SYT1: variants seen among roughly 807,000 people sequenced by gnomAD.
The protein encoded by SYT1 is synaptotagmin-1.
In SYT1, 8 loss-of-function variants were observed where a neutral mutation model predicts 44.8. The observed-to-expected ratio is 0.18, with a 90% CI of 0.10 to 0.32. The LOEUF is 0.32. SYT1 is among the 10% of genes least tolerant of loss of function. The pLI, the probability that SYT1 is intolerant of heterozygous loss-of-function variation, is 1.00. For synonymous variants in SYT1, 154 were observed against 188.8 expected (o/e 0.82, Z 1.51); for missense variants, 286 against 509.3 (o/e 0.56, Z 4.22).
At chr12:79,380,387 G>T (rs117688217) in intron 9 of SYT1, among the ~76,000 whole-genome samples, 228 of 152,272 alleles carry the variant, frequency 1.5e-3, no homozygotes, top group Non-Finnish European at 2.6e-3. Context: ...CTGGGATGAA[G>T]AATTTTTTGT....
chr12:79,378,467 A>AG (rs1884088925), intron 9 of SYT1, among the ~76,000 whole-genome samples: 1 of 152,210 alleles, frequency 6.6e-6, no homozygotes, highest in Non-Finnish European at 1.5e-5. Context: ...AAGCCAGTTT[A>AG]CAGAAATGAA....
Position 79,217,580 on chromosome 12 carries a change from G to A in SYT1, c.61G>A (p.Val21Ile), listed in dbSNP as rs1161190060. The A allele has an allele frequency of 6.2e-7, 1 of 1,612,970 alleles. No homozygotes were observed. The highest frequency in any genetic ancestry group is 1.7e-5 in the Admixed American group (1 of 59,880). ...CCCGCCTGTCACCACTGTCGCGACT[G>A]TTCTGCCAAGCAACGCCACAGAGCC... ...AAPPVTTVAT[V>I]LPSNATEPAS... is the part of the protein sequence containing the mutation. Residue 21 changes from valine to isoleucine, a missense_variant, in exon 4 of 11, where the codon GTT becomes ATT. By Grantham distance (29) the Val-to-Ile change is conservative (BLOSUM62 3). Around this residue, in one of 6 missense-constraint regions of SYT1, gnomAD observed 141 missense variants for 165.7 expected, o/e 0.85. Transcript: ENST00000261205.
intron 9 of SYT1, among the ~76,000 whole-genome samples, chr12:79,425,315 C>T (rs1869385733): frequency 6.6e-6 from 1 of 152,068 alleles, no homozygotes; most frequent in South Asian, 2.1e-4. Flanking sequence ...CATATAACCT[C>T]AAAAGTTTCA....
chr12:79,000,844 A>G (rs973772989), intron 2 of SYT1, among the ~76,000 whole-genome samples: 9 of 152,150 alleles, frequency 5.9e-5, no homozygotes, highest in African/African-American at 2.2e-4. Context: ...ACCTTTTAAC[A>G]TCAATATCTG....
intron 3 of SYT1, among the ~76,000 whole-genome samples, chr12:79,171,692 T>A (rs1871533227): frequency 1.3e-5 from 2 of 151,548 alleles, no homozygotes; most frequent in South Asian, 4.2e-4. Flanking sequence ...AAAAAAAAAA[T>A]GATTAGAACC....
intron 1 of SYT1, among the ~76,000 whole-genome samples, chr12:78,871,246 G>T (rs185934817): frequency 1.3e-5 from 2 of 152,040 alleles, no homozygotes; most frequent in East Asian, 3.9e-4. Flanking sequence ...CATCACACAC[G>T]AGCTTGCTTT....
At chr12:79,085,768 C>A (rs1877339161) in intron 3 of SYT1, among the ~76,000 whole-genome samples, 1 of 152,110 alleles carries the variant, frequency 6.6e-6, no homozygotes, top group Non-Finnish European at 1.5e-5. Context: ...TTGACTCCTA[C>A]AGTCCTTTAT....
intron 3 of SYT1, among the ~76,000 whole-genome samples, chr12:79,136,012 A>T (rs1869166826): frequency 6.6e-6 from 1 of 152,248 alleles, no homozygotes; most frequent in African/African-American, 2.4e-5. Flanking sequence ...TTGAGACAAC[A>T]TTGCCTAAAA....
At position 79,310,216 on chromosome 12, in the gene SYT1, G is replaced by A. The variant is rs555244270; in HGVS notation, c.810+10665G>A. 8.0e-3 allele frequency among the ~76,000 whole-genome samples: 1,213 copies of A among 151,492 alleles called. 16 individuals are homozygous for A. The highest frequency in any genetic ancestry group is 0.028 in the African/African-American group (1,142 of 40,872). On this transcript the variant is annotated intron_variant, in intron 8 of 10. Coordinates refer to ENST00000261205, the MANE Select transcript of SYT1 (RefSeq NM_005639.3). ...GTATAAGGTGTAAGGAAGGGATCCA[G>A]TTTCAGCTTTCTACATATGGCTAGC...
At chr12:79,202,685 T>C (rs1231440688) in intron 3 of SYT1, among the ~76,000 whole-genome samples, 2 of 152,160 alleles carry the variant, frequency 1.3e-5, no homozygotes, top group Non-Finnish European at 2.9e-5. Context: ...TCCTAGTAGA[T>C]CAAGGTGTAC....
intron 9 of SYT1, among the ~76,000 whole-genome samples, chr12:79,382,924 T>C (rs1434646297): frequency 6.6e-6 from 1 of 152,232 alleles, no homozygotes; most frequent in Non-Finnish European, 1.5e-5. Flanking sequence ...AAGTAGTCTG[T>C]GTCGTGTGTG....
chr12:78,920,228 A>G (rs2137158835), intron 1 of SYT1, among the ~76,000 whole-genome samples: 1 of 152,164 alleles, frequency 6.6e-6, no homozygotes, highest in South Asian at 2.1e-4. Flanking sequence ...TGTAGTGATG[A>G]CTTCTTACCA....
chr12:79,117,774 AG>A (rs1879384110), intron 3 of SYT1, among the ~76,000 whole-genome samples: 1 of 144,720 alleles, frequency 6.9e-6, no homozygotes, highest in Non-Finnish European at 1.5e-5. Context: ...TGTAAGAGCT[AG>A]GTCATATTAT....
intron 2 of SYT1, among the ~76,000 whole-genome samples, chr12:78,984,558 A>T (rs1195540785): frequency 1.3e-5 from 2 of 151,984 alleles, no homozygotes; most frequent in Non-Finnish European, 2.9e-5. Flanking sequence ...ACAAAAACCT[A>T]ATGTGTCTAT....
rs1872623965 is a variant in SYT1, at chr12:79,027,849, C to CCAGT, written c.-83-19447_-83-19444dup. The stretch of plus-strand genomic sequence containing the variant: ...TGAGTTTGCTTTAAACAGATAGAGA[C>CCAGT]CAGTATAGCCATAGACTTCACATCA... On this transcript the variant is annotated intron_variant, in intron 2 of 10. Coordinates refer to ENST00000261205, the MANE Select transcript of SYT1 (RefSeq NM_005639.3). Among the ~76,000 whole-genome samples the CCAGT allele has an allele frequency of 2.0e-5, 3 of 151,472 alleles. 1 individual carries two copies. The highest frequency in any genetic ancestry group is 2.0e-4 in the Admixed American group (3 of 15,148).
chr12:79,214,119 A>G (rs533172370), intron 3 of SYT1, among the ~76,000 whole-genome samples: 66 of 152,322 alleles, frequency 4.3e-4, no homozygotes, highest in African/African-American at 1.5e-3. Context: ...AATAAAAATA[A>G]AACACTAGGC....
rs566477966 is a variant in SYT1 at position 79,363,575 on chromosome 12, A to T, written c.928+9956A>T. Among the ~76,000 whole-genome samples, 4 of 151,236 alleles carry T rather than the reference A, an allele frequency of 2.6e-5. No individual in the cohort carries two copies. The East Asian group carries it at 7.8e-4, about 30-fold the overall frequency. ...CCCCCATCTCTACAAAAAAAATTAA[A>T]AAAAAAAAAAATAGCCAGGAATGGT... On this transcript the variant is annotated intron_variant, in intron 9 of 10. Transcript: ENST00000261205.
At chr12:79,058,370 A>G (rs1340436498) in intron 3 of SYT1, among the ~76,000 whole-genome samples, 1 of 152,094 alleles carries the variant, frequency 6.6e-6, no homozygotes, top group African/African-American at 2.4e-5. Flanking sequence ...CCTGATACTC[A>G]GTTGACCCTG....
chr12:79,156,775 T>C (rs1181309049), intron 3 of SYT1, among the ~76,000 whole-genome samples: 2 of 152,160 alleles, frequency 1.3e-5, no homozygotes, highest in East Asian at 3.9e-4. Context: ...CCTGTTCAGT[T>C]AATTTTTAAT....
Sources: allele counts gnomAD v4.1 joint callset (sites outside exome capture counted in the v4.1 genomes callset), GRCh38; gene constraint gnomAD v4.1.1; regional missense constraint gnomAD v4.1.1; transcripts MANE v1.5; gene names NCBI Gene and HGNC (gene_info 2026-07-23, HGNC 2026-07-21).